The following PDE5A variants were observed in gnomAD, a reference collection of about 807,000 sequenced individuals.
PDE5A encodes the protein cGMP-specific 3',5'-cyclic phosphodiesterase.
A neutral mutation model predicts 110.2 loss-of-function variants in PDE5A; 67 were observed. The ratio of observed to expected loss-of-function variants is 0.61; its 90% CI spans 0.50 to 0.75. The LOEUF is 0.75. PDE5A is among the 30% of genes least tolerant of loss of function. The probability of loss-of-function intolerance (pLI) is 0.00; values close to 1 mark genes in which losing one functional copy is unlikely to be tolerated. For synonymous variants in PDE5A, 328 were observed against 351.2 expected (o/e 0.93, Z 0.74); for missense variants, 862 against 1,045.1 (o/e 0.82, Z 2.42).
chr4:119,627,227 G>A lies in PDE5A; in HGVS notation c.152+1293C>T, dbSNP rs1560650059. On this transcript the variant is annotated intron_variant, in intron 1 of 20. Transcript: ENST00000354960. The surrounding 1 kb of genome is among the most constrained non-coding windows in gnomAD (Gnocchi z 4.6). Reference sequence around the variant, plus strand: ...ACTCCGCCGATCCTGGACTCCAGGAGGCTCCGTAGGGGCAACAACGCGCGC... The same window carrying A: ...ACTCCGCCGATCCTGGACTCCAGGAAGCTCCGTAGGGGCAACAACGCGCGC... 1.9e-6 allele frequency: 3 copies of A among 1,609,998 alleles called. No individual in the cohort carries two copies. Among genetic ancestry groups the A allele is most frequent in the Middle Eastern group, 1.7e-4 (1 of 6,052 alleles).
chr4:119,599,934 C>T (rs937741787), intron 2 of PDE5A, among the ~76,000 whole-genome samples: 2 of 151,532 alleles, frequency 1.3e-5, no homozygotes, highest in Non-Finnish European at 2.9e-5. Flanking sequence ...AAAATGAAGA[C>T]AAGAAAAAAA....
Position 119,511,116 on chromosome 4 carries a change from G to A in PDE5A, c.2019C>T (p.Ala673=), listed in dbSNP as rs556949458. 1.7e-5 allele frequency: 27 copies of A among 1,608,770 alleles called. No individual in the cohort carries two copies. The highest frequency in any genetic ancestry group is 8.9e-5 in the East Asian group (4 of 44,798). Residue 673 remains alanine, a synonymous_variant, in exon 15 of 21, where the codon GCC becomes GCT. Transcript: ENST00000354960. ...SYIQRSEHPL[A]QLYCHSIMEH... ...CCATGATTGAATGGCAGTAAAGCTGGGCAAGTGGATGTTCACTTCTGAAAG... is the reference window on the plus strand; with the variant it reads ...CCATGATTGAATGGCAGTAAAGCTGAGCAAGTGGATGTTCACTTCTGAAAG...
intron 1 of PDE5A, among the ~76,000 whole-genome samples, chr4:119,609,655 C>T (rs893775270): frequency 6.6e-6 from 1 of 151,916 alleles, no homozygotes; most frequent in Admixed American, 6.6e-5. Context: ...GAGTTGAATA[C>T]AGTTATAAAA....
chr4:119,560,817 A>G (rs1727722387), intron 6 of PDE5A, among the ~76,000 whole-genome samples: 1 of 152,236 alleles, frequency 6.6e-6, no homozygotes, highest in Non-Finnish European at 1.5e-5. Flanking sequence ...AACAACATAG[A>G]GAAATACTTT....
At chr4:119,589,765 C>T (rs1578805026) in intron 3 of PDE5A, among the ~76,000 whole-genome samples, 1 of 152,130 alleles carries the variant, frequency 6.6e-6, no homozygotes. Context: ...GAGGATGTGA[C>T]TATGATCTCT....
Position 119,628,802 on chromosome 4 carries a change from G to T in PDE5A, c.-131C>A, listed in dbSNP as rs1404420875. 1.4e-6 allele frequency: 2 copies of T among 1,398,716 alleles called. No homozygotes were observed. Among genetic ancestry groups the T allele is most frequent in the Non-Finnish European group, 2.0e-6 (2 of 1,022,398 alleles). 86.6% of individuals were successfully genotyped at this position (1,398,716 alleles called of 1,614,324 possible). A position where few individuals can be genotyped will look rare whatever the true frequency, so the allele number is the denominator to read the frequency against. Reference sequence around the variant, plus strand: ...TCCTGCTCCAGTCGGGCCGGCTTTCGACAAAGCGGCCGGAGCGCCAGGCCA... The same window carrying T: ...TCCTGCTCCAGTCGGGCCGGCTTTCTACAAAGCGGCCGGAGCGCCAGGCCA... On this transcript the variant is annotated 5_prime_UTR_variant, in exon 1 of 21. Transcript: ENST00000354960.
chr4:119,501,099 A>T (rs1459577090), intron 20 of PDE5A, 71 bp downstream of exon 20: 2 of 898,120 alleles, frequency 2.2e-6, no homozygotes, highest in African/African-American at 3.4e-5. Context: ...CCTAATATTA[A>T]TCTCTTCAAT....
Position 119,628,638 on chromosome 4 carries a change from G to C in PDE5A, c.34C>G (p.Arg12Gly), listed in dbSNP as rs201917993. ...ERAGPSFGQQ[R>G]QQQQPQQQKQ... is the part of the protein sequence containing the mutation. The stretch of plus-strand genomic sequence containing the variant: ...TGCTGCTGGGGCTGCTGCTGCTGTC[G>C]CTGCTGCCCGAAGCTGGGGCCGGCC... Residue 12 changes from arginine (R) to glycine (G), a missense_variant, in exon 1 of 21, where the codon CGA (arginine) becomes GGA (glycine). Coordinates refer to ENST00000354960, the MANE Select transcript of PDE5A (RefSeq NM_001083.4). 2.5e-6 allele frequency: 4 copies of C among 1,613,638 alleles called. No individual in the cohort carries two copies. Among genetic ancestry groups the C allele is most frequent in the Non-Finnish European group, 3.4e-6 (4 of 1,179,954 alleles).
At chr4:119,589,526 T>C (rs1241691028) in intron 3 of PDE5A, among the ~76,000 whole-genome samples, 1 of 152,092 alleles carries the variant, frequency 6.6e-6, no homozygotes, top group Non-Finnish European at 1.5e-5. Flanking sequence ...ATGACAAAGA[T>C]AAAAACTGGT....
chr4:119,620,145 T>C (rs1370850144), intron 1 of PDE5A, among the ~76,000 whole-genome samples: 2 of 152,146 alleles, frequency 1.3e-5, no homozygotes, highest in Non-Finnish European at 2.9e-5. Flanking sequence ...TGAGAAGCAA[T>C]GGTTTAGATG....
At position 119,498,490 on chromosome 4, in the gene PDE5A, G is replaced by T. The variant is rs1578715181; in HGVS notation, c.*111C>A. ...GTTGTGCAAAAATAAAAATACAGCA[G>T]TGGCAAAGTATATACCAAATACAGA... is the stretch of plus-strand genomic sequence containing the variant. On this transcript the variant is annotated 3_prime_UTR_variant, in exon 21 of 21. Transcript: ENST00000354960. 6.6e-6 allele frequency: 8 copies of T among 1,209,790 alleles called. No individual in the cohort carries two copies. In the East Asian group the frequency reaches 1.9e-4, roughly 29 times the overall value. 74.9% of individuals were successfully genotyped at this position (1,209,790 alleles called of 1,614,324 possible).
rs1553931705 is a variant in PDE5A, at chr4:119,628,622, G to GGCT, written c.47_49dup (p.Gln16dup). Reference sequence around the variant, plus strand: ...CCTCTGCTGCTGCTTCTGCTGCTGGGGCTGCTGCTGCTGTCGCTGCTGCCC... The same window carrying GGCT: ...CCTCTGCTGCTGCTTCTGCTGCTGGGGCTGCTGCTGCTGCTGTCGCTGCTGCCC... On this transcript the variant is annotated inframe_insertion, in exon 1 of 21. Coordinates refer to ENST00000354960, the MANE Select transcript of PDE5A (RefSeq NM_001083.4). The GGCT allele has an allele frequency of 2.5e-6, 4 of 1,613,836 alleles. No individual in the cohort carries two copies. Among genetic ancestry groups the GGCT allele is most frequent in the East Asian group, 2.2e-5 (1 of 44,856 alleles).
intron 6 of PDE5A, among the ~76,000 whole-genome samples, chr4:119,561,795 T>C (rs1320912983): frequency 1.3e-5 from 2 of 152,186 alleles, no homozygotes; most frequent in Non-Finnish European, 2.9e-5. Context: ...TTAATCAGAA[T>C]TTTGTATTAA....
At chr4:119,560,739 T>C (rs573552159) in intron 6 of PDE5A, among the ~76,000 whole-genome samples, 4 of 152,210 alleles carry the variant, frequency 2.6e-5, no homozygotes, top group Non-Finnish European at 5.9e-5. Context: ...AGGTAAAGAA[T>C]CCCTTCTTAA....
chr4:119,534,472 A>G (rs982914570), intron 11 of PDE5A, among the ~76,000 whole-genome samples: 4 of 152,040 alleles, frequency 2.6e-5, no homozygotes, highest in East Asian at 1.9e-4. Flanking sequence ...TTTCATCCCA[A>G]AACTATTCCC....
intron 3 of PDE5A, among the ~76,000 whole-genome samples, chr4:119,573,073 T>A (rs1361234097): frequency 1.3e-5 from 2 of 152,242 alleles, no homozygotes; most frequent in African/African-American, 4.8e-5. Flanking sequence ...TGTTGTTTTT[T>A]AAGATCAATT....
At chr4:119,602,724 T>C (rs1560636430) in intron 2 of PDE5A, among the ~76,000 whole-genome samples, 1 of 152,174 alleles carries the variant, frequency 6.6e-6, no homozygotes, top group African/African-American at 2.4e-5. Context: ...ATAGTTGAAA[T>C]AGAAAGTAAG....
chr4:119,560,448 G>A, intron 6 of PDE5A, 85 bp from the exon 7 acceptor site: 1 of 720,184 alleles, frequency 1.4e-6, no homozygotes, highest in African/African-American at 1.8e-5. Flanking sequence ...CTATGGAATT[G>A]ACAAAAGACC....
At chr4:119,519,400 T>C in intron 13 of PDE5A, 1 of 387,766 alleles carries the variant, frequency 2.6e-6, no homozygotes, top group Non-Finnish European at 4.6e-6. Flanking sequence ...TGTCCACCTA[T>C]AGTAAGTATT....
Sources: gnomAD v4.1 joint callset for allele counts (sites outside exome capture counted in the v4.1 genomes callset) on GRCh38, gnomAD v4.1.1 for gene constraint, Gnocchi (gnomAD v3.1) non-coding constraint, MANE v1.5 for transcripts, NCBI Gene and HGNC (gene_info 2026-07-23, HGNC 2026-07-21) for gene names.